CD24: variants seen among roughly 807,000 people sequenced by gnomAD.
CD24 encodes the protein CD24 molecule, also known as signal transducer CD24.
A neutral mutation model predicts 3.6 loss-of-function variants in CD24; 2 were observed. The observed-to-expected ratio is 0.56, with a 90% CI of 0.23 to 1.77. CD24 has a LOEUF of 1.77. Among genes scored for constraint, CD24 ranks in the 40% most tolerant of loss-of-function variants. The pLI, the probability that CD24 is intolerant of heterozygous loss-of-function variation, is 0.18. For synonymous variants in CD24, 33 were observed against 44.9 expected, an observed-to-expected ratio of 0.74 and a Z score of 1.06; for missense variants, 62 against 93.6, an observed-to-expected ratio of 0.66 and a Z score of 1.39.
chr6:106,971,753 T>C lies in CD24; in HGVS notation c.151A>G (p.Thr51Ala). The change falls in exon 2 of 2, where the codon ACT becomes GCT. Residue 51 changes from threonine to alanine, a missense_variant. Thr to Ala is a moderately conservative substitution (Grantham distance 58, BLOSUM62 0). Transcript: ENST00000606017. ...TSNSGLAPNPTNATTKAAGGA... is the reference protein window; with the variant it reads ...TSNSGLAPNPANATTKAAGGA... ...CCAGCCGCCTTGGTGGTGGCATTAG[T>C]TGGATTTGGGGCCAACCCAGAGTTG... 7 of 1,551,392 alleles carry C rather than the reference T, an allele frequency of 4.5e-6. No individual in the cohort carries two copies. Among genetic ancestry groups the C allele is most frequent in the Non-Finnish European group, 6.1e-6 (7 of 1,146,754 alleles).
chr6:106,974,827 C>T, upstream of CD24: 1 of 437,958 alleles, frequency 2.3e-6, no homozygotes, highest in Non-Finnish European at 3.8e-6. Flanking sequence ...TCCGCCGCCG[C>T]CCGCCGCCTC....
Position 106,970,451 on chromosome 6 carries a change from CA to C in CD24, c.*1209del, listed in dbSNP as rs1174374537. 1 of 152,558 alleles carries C rather than the reference CA, an allele frequency of 6.6e-6. No homozygotes were observed. Among genetic ancestry groups the C allele is most frequent in the Non-Finnish European group, 1.5e-5 (1 of 68,034 alleles). The allele number at this position is 152,558 out of a possible 1,614,324, so 9.5% of individuals were successfully genotyped here. A position where few individuals can be genotyped will look rare whatever the true frequency, so the allele number is the denominator to read the frequency against. ...TTTGCCTTCTTAATTTCAAGATTTG[CA>C]ATTTTGCCTTCAAAACAGATCATTT... On this transcript the variant is annotated 3_prime_UTR_variant, in exon 2 of 2. Coordinates refer to ENST00000606017, the MANE Select transcript of CD24 (RefSeq NM_001359084.1).
Position 106,969,951 on chromosome 6 carries a change from T to C in CD24, c.*1710A>G. 6.6e-6 allele frequency: 1 copy of C among 151,150 alleles called. No homozygotes were observed. The highest frequency in any genetic ancestry group is 1.5e-5 in the Non-Finnish European group (1 of 67,498). The allele number at this position is 151,150 out of a possible 1,614,324, so 9.4% of individuals were successfully genotyped here. ...CACAATATACAATCCAAAATAGATG[T>C]ACAGCATTCTGGAATAAAGCAAGAG... On this transcript the variant is annotated 3_prime_UTR_variant, in exon 2 of 2. Coordinates refer to ENST00000606017, the MANE Select transcript of CD24 (RefSeq NM_001359084.1).
upstream of CD24, among the ~76,000 whole-genome samples, chr6:106,976,509 G>A (rs1487708750): frequency 6.6e-6 from 1 of 152,126 alleles, no homozygotes. Flanking sequence ...TTTCTGTCGA[G>A]CACCAGTGGA....
In CD24 at chr6:106,970,325, G is replaced by T. The variant is rs1423347988; in HGVS notation, c.*1336C>A. 6.6e-6 allele frequency: 1 copy of T among 152,542 alleles called. No individual in the cohort carries two copies. The highest frequency in any genetic ancestry group is 6.6e-5 in the Admixed American group (1 of 15,258). 9.4% of individuals were successfully genotyped at this position (152,542 alleles called of 1,614,324 possible). A position where few individuals can be genotyped will look rare whatever the true frequency, so the allele number is the denominator to read the frequency against. Reference sequence around the variant, plus strand: ...TAGTTGTTTTTTAAAGAAAAAAAATGTATATACAGAAAGAGTATAAAAGTT... The same window carrying T: ...TAGTTGTTTTTTAAAGAAAAAAAATTTATATACAGAAAGAGTATAAAAGTT... On this transcript the variant is annotated 3_prime_UTR_variant, in exon 2 of 2. Transcript: ENST00000606017.
chr6:106,975,314 C>G (rs1247085854), upstream of CD24: 2 of 152,042 alleles, frequency 1.3e-5, no homozygotes, highest in African/African-American at 4.8e-5. Flanking sequence ...CTCGGCCCGC[C>G]GCAGAGGAAA....
upstream of CD24, chr6:106,975,701 C>T (rs1773097819): frequency 1.3e-5 from 2 of 152,410 alleles, no homozygotes; most frequent in South Asian, 4.1e-4. Context: ...GGGACCCCCT[C>T]CGCGGCCCTG....
At chr6:106,974,503 C>T in intron 1 of CD24, 75 bp downstream of exon 1, 5 of 867,272 alleles carry the variant, frequency 5.8e-6, no homozygotes. Context: ...AGGACGGTCC[C>T]CCGGGACCGG....
chr6:106,976,327 T>A (rs1773107735), upstream of CD24, among the ~76,000 whole-genome samples: 2 of 152,242 alleles, frequency 1.3e-5, no homozygotes, highest in African/African-American at 4.8e-5. Context: ...ATTTCACTTT[T>A]GCGTGGCAGT....
chr6:106,973,486 C>T (rs1016111066), intron 1 of CD24: 12 of 395,706 alleles, frequency 3.0e-5, no homozygotes, highest in African/African-American at 1.9e-4. Context: ...GGTGGGGAAG[C>T]GCGTTCCACA....
chr6:106,971,961 A>T, intron 1 of CD24, 127 bp from the exon 2 acceptor site: 1 of 661,004 alleles, frequency 1.5e-6, no homozygotes. Context: ...CTTACCCAAC[A>T]TCATTAACTT....
chr6:106,972,465 T>TA, intron 1 of CD24, among the ~76,000 whole-genome samples: 1 of 152,338 alleles, frequency 6.6e-6, no homozygotes, highest in South Asian at 2.1e-4. Context: ...GTTTTTCCTT[T>TA]AAGGCAGAAT....
At chr6:106,976,197 G>C (rs905943707), upstream of CD24, among the ~76,000 whole-genome samples, 169 of 152,178 alleles carry the variant, frequency 1.1e-3, no homozygotes, top group Non-Finnish European at 2.0e-3. Context: ...GAACACTCTC[G>C]TTAGTATTTT....
At chr6:106,972,960 C>CA (rs1235085358) in intron 1 of CD24, among the ~76,000 whole-genome samples, 1 of 152,090 alleles carries the variant, frequency 6.6e-6, no homozygotes, top group Non-Finnish European at 1.5e-5. Context: ...GTGACAACAA[C>CA]AAAAAAATCT....
rs1772943422 is a variant in CD24 at position 106,970,480 on chromosome 6, TTAAATTG to T, written c.*1174_*1180del. The T allele has an allele frequency of 6.5e-6, 1 of 152,680 alleles. No homozygotes were observed. Among genetic ancestry groups the T allele is most frequent in the South Asian group, 2.1e-4 (1 of 4,834 alleles). The allele number at this position is 152,680 out of a possible 1,614,324, so 9.5% of individuals were successfully genotyped here. On this transcript the variant is annotated 3_prime_UTR_variant, in exon 2 of 2. Coordinates refer to ENST00000606017, the MANE Select transcript of CD24 (RefSeq NM_001359084.1). ...TTTGCCTTCAAAACAGATCATTTTT[TTAAATTG>T]TAAAAAGTATTCAACATATGCAGAA...
intron 1 of CD24, 110 bp from the exon 2 acceptor site, chr6:106,971,944 T>C: frequency 2.7e-6 from 2 of 734,642 alleles, no homozygotes; most frequent in South Asian, 2.0e-5. Flanking sequence ...TCTCTTACCA[T>C]TGTTCTCTTA....
chr6:106,976,009 T>C (rs952324787), upstream of CD24, among the ~76,000 whole-genome samples: 12 of 152,382 alleles, frequency 7.9e-5, no homozygotes, highest in East Asian at 2.1e-3. Context: ...GTGAAAACTT[T>C]CAAGCATACA....
intron 1 of CD24, chr6:106,973,989 G>A (rs1439581532): frequency 7.5e-6 from 3 of 397,994 alleles, no homozygotes; most frequent in Non-Finnish European, 1.3e-5. Context: ...GCAGCGTCAG[G>A]AGAGGGTCCC....
upstream of CD24, among the ~76,000 whole-genome samples, chr6:106,975,982 T>A (rs1026654857): frequency 3.3e-5 from 5 of 152,370 alleles, no homozygotes; most frequent in South Asian, 4.1e-4. Context: ...GAATACTTTT[T>A]TCCTATCCAT....
Sources: gnomAD v4.1 joint callset for allele counts (sites outside exome capture counted in the v4.1 genomes callset) on GRCh38, gnomAD v4.1.1 for gene constraint, MANE v1.5 for transcripts, NCBI Gene and HGNC (gene_info 2026-07-23, HGNC 2026-07-21) for gene names.